Variants in PVT1 observed in about 807,000 individuals in gnomAD.
PVT1 encodes the protein Pvt1 oncogene.
chr8:127,887,078 A>G (rs1264557484), intron 2 of PVT1, among the ~76,000 whole-genome samples: 3 of 152,244 alleles, frequency 2.0e-5, no homozygotes, highest in African/African-American at 7.2e-5. Flanking sequence ...ACTCCATACA[A>G]ACTTGGCTCA....
intron 3 of PVT1, among the ~76,000 whole-genome samples, chr8:127,952,368 A>G (rs574981872): frequency 6.6e-5 from 10 of 152,158 alleles, no homozygotes; most frequent in Non-Finnish European, 1.2e-4. Flanking sequence ...AATCCCAGTG[A>G]GATCATGTCT....
chr8:127,973,852 T>C (rs13256812), intron 3 of PVT1, among the ~76,000 whole-genome samples: 38 of 151,742 alleles, frequency 2.5e-4, no homozygotes, highest in Non-Finnish European at 3.7e-4. Flanking sequence ...TGGTGGTGGA[T>C]GCCTGTAGTC....
intron 3 of PVT1, among the ~76,000 whole-genome samples, chr8:127,982,623 A>G (rs967385831): frequency 7.2e-5 from 11 of 152,022 alleles, no homozygotes; most frequent in African/African-American, 2.7e-4. Context: ...CAGCCTGGGC[A>G]ACACAGTGAG....
intron 5 of PVT1, among the ~76,000 whole-genome samples, chr8:128,071,687 A>AAAATAAATAAATAAAT (rs57815252): frequency 0.13 from 18,418 of 139,582 alleles, 1,399 homozygotes; most frequent in East Asian, 0.2. Context: ...CTCTGTCTCT[A>AAAATAAATAAATAAAT]AAATAAATAA....
At chr8:127,836,464 G>A (rs907103711) in intron 2 of PVT1, among the ~76,000 whole-genome samples, 3 of 152,086 alleles carry the variant, frequency 2.0e-5, no homozygotes, top group Admixed American at 1.3e-4. Context: ...GCAAATGCTT[G>A]TATACAGGCT....
At chr8:127,834,027 A>G (rs571010783) in intron 2 of PVT1, among the ~76,000 whole-genome samples, 1 of 152,222 alleles carries the variant, frequency 6.6e-6, no homozygotes, top group East Asian at 1.9e-4. Flanking sequence ...AAGTCTTCCC[A>G]TAGGAACCAT....
intron 2 of PVT1, among the ~76,000 whole-genome samples, chr8:127,798,188 C>T (rs540071903): frequency 5.9e-4 from 90 of 151,950 alleles, no homozygotes; most frequent in African/African-American, 2.1e-3. Flanking sequence ...CTTGTAATTC[C>T]AGCTACTTGG....
chr8:128,018,851 G>T (rs996478961), intron 4 of PVT1, among the ~76,000 whole-genome samples: 10 of 152,310 alleles, frequency 6.6e-5, no homozygotes, highest in Admixed American at 4.6e-4. Flanking sequence ...CCCTGAATCC[G>T]ACAGTGGTAG....
intron 2 of PVT1, among the ~76,000 whole-genome samples, chr8:127,808,252 T>C (rs916642964): frequency 1.1e-4 from 16 of 152,208 alleles, no homozygotes; most frequent in Non-Finnish European, 1.5e-5. Context: ...TTCACCATGT[T>C]GGCCAGGCTG....
intron 2 of PVT1, among the ~76,000 whole-genome samples, chr8:127,807,605 G>C (rs1814542033): frequency 6.6e-6 from 1 of 152,146 alleles, no homozygotes; most frequent in African/African-American, 2.4e-5. Flanking sequence ...TTACAGGGAG[G>C]ACCCAGTGTC....
At chr8:127,804,536 T>TG (rs1223934685) in intron 2 of PVT1, among the ~76,000 whole-genome samples, 19 of 139,320 alleles carry the variant, frequency 1.4e-4, no homozygotes, top group African/African-American at 5.3e-4. Flanking sequence ...TGTTGCATCC[T>TG]GATTTTTTTT....
At chr8:128,007,995 ATTGT>A (rs746150224) in intron 4 of PVT1, among the ~76,000 whole-genome samples, 22 of 152,296 alleles carry the variant, frequency 1.4e-4, no homozygotes, top group Non-Finnish European at 2.4e-4. Flanking sequence ...GAGGCTGGAA[ATTGT>A]TTGTCCTCAG....
At chr8:127,899,486 C>G (rs1803620882) in intron 3 of PVT1, among the ~76,000 whole-genome samples, 1 of 152,196 alleles carries the variant, frequency 6.6e-6, no homozygotes, top group Admixed American at 6.5e-5. Context: ...CCCCGTCTCT[C>G]AATGGGGTGA....
chr8:128,048,565 G>A (rs1383312214), intron 4 of PVT1: 1 of 152,242 alleles, frequency 6.6e-6, no homozygotes, highest in Non-Finnish European at 1.5e-5. Flanking sequence ...GTGGATGTAT[G>A]AGCCGATCCT....
At chr8:127,820,940 C>T (rs922046002) in intron 2 of PVT1, among the ~76,000 whole-genome samples, 3 of 152,062 alleles carry the variant, frequency 2.0e-5, no homozygotes, top group African/African-American at 7.2e-5. Flanking sequence ...AAGTCCTGGC[C>T]TCAAGTGATC....
At chr8:127,949,139 A>G (rs1318576176) in intron 3 of PVT1, among the ~76,000 whole-genome samples, 1 of 152,194 alleles carries the variant, frequency 6.6e-6, no homozygotes, top group Non-Finnish European at 1.5e-5. Context: ...AGAGCTGTTA[A>G]TTAACCTGTC....
chr8:127,949,200 T>C (rs1177456549), intron 3 of PVT1, among the ~76,000 whole-genome samples: 4 of 152,104 alleles, frequency 2.6e-5, no homozygotes, highest in African/African-American at 7.2e-5. Context: ...ACTTCGTAGT[T>C]GTACTCTGGT....
In PVT1 at chr8:127,984,837, T is replaced by TTTTCTTTCTTTC. The variant is rs71300287; in HGVS notation, n.783-4251_783-4240dup. 2.0e-3 allele frequency among the ~76,000 whole-genome samples: 163 copies of TTTTCTTTCTTTC among 81,308 alleles called. 6 individuals are homozygous for TTTTCTTTCTTTC. Among genetic ancestry groups the TTTTCTTTCTTTC allele is most frequent in the Middle Eastern group, 7.8e-3 (1 of 128 alleles). 53.3% of individuals were successfully genotyped at this position (81,308 alleles called of 152,430 possible). Reference sequence around the variant, plus strand: ...TGGCCAGGCTGGTTTCTTTCTTTTCTTTTCTTTCTTTCTTTCTTTCTTTCT... The same window carrying TTTTCTTTCTTTC: ...TGGCCAGGCTGGTTTCTTTCTTTTCTTTTCTTTCTTTCTTTCTTTCTTTCTTTCTTTCTTTCT... On this transcript the variant is annotated intron_variant and non_coding_transcript_variant, in intron 3 of 10. Transcript: ENST00000651587.
intron 6 of PVT1, among the ~76,000 whole-genome samples, chr8:128,098,873 T>C (rs913647177): frequency 3.3e-5 from 5 of 152,198 alleles, no homozygotes; most frequent in African/African-American, 1.2e-4. Flanking sequence ...TGTGCCCTCC[T>C]TCTCTGTTAC....
Sources: allele counts gnomAD v4.1 joint callset (sites outside exome capture counted in the v4.1 genomes callset), GRCh38; gene constraint gnomAD v4.1.1; transcripts MANE v1.5; gene names NCBI Gene and HGNC (gene_info 2026-07-23, HGNC 2026-07-21).